SLC22A23: variants seen among roughly 807,000 people sequenced by gnomAD.
SLC22A23 encodes solute carrier family 22 member 23, also known as ion transporter protein.
In SLC22A23, 26 loss-of-function variants were observed where a neutral mutation model predicts 61.0. The ratio of observed to expected loss-of-function variants is 0.43; its 90% CI spans 0.31 to 0.59. SLC22A23 has a LOEUF of 0.59. Among genes scored for constraint, SLC22A23 ranks in the 20% least tolerant of loss-of-function variants. SLC22A23 has a pLI of 0.11. For synonymous variants in SLC22A23, 430 were observed against 413.9 expected, an observed-to-expected ratio of 1.04 and a Z score of -0.47; for missense variants, 796 against 934.7, an observed-to-expected ratio of 0.85 and a Z score of 1.94.
intron 3 of SLC22A23, among the ~76,000 whole-genome samples, chr6:3,405,435 G>A (rs1768750188): frequency 6.6e-6 from 1 of 152,096 alleles, no homozygotes. Flanking sequence ...ACCGGGTGGA[G>A]ACAAAGAGAC....
chr6:3,315,746 C>A (rs1762600328), intron 4 of SLC22A23, among the ~76,000 whole-genome samples: 1 of 152,036 alleles, frequency 6.6e-6, no homozygotes, highest in South Asian at 2.1e-4. Context: ...CACCTGTAGT[C>A]CCAGCTACTT....
At chr6:3,299,422 G>A (rs9501981) in intron 4 of SLC22A23, among the ~76,000 whole-genome samples, 6,351 of 152,228 alleles carry the variant, frequency 0.042, 207 homozygotes, top group African/African-American at 0.085. Context: ...CTATTTCCAC[G>A]TTACTGCTAA....
At chr6:3,289,100 C>T (rs991713965) in intron 6 of SLC22A23, among the ~76,000 whole-genome samples, 1 of 152,260 alleles carries the variant, frequency 6.6e-6, no homozygotes, top group African/African-American at 2.4e-5. Flanking sequence ...ACCTTGGTGA[C>T]CTCTGACCCT....
In SLC22A23 at chr6:3,330,628, C is replaced by T. The variant is rs1039293221; in HGVS notation, c.914-6626G>A. On this transcript the variant is annotated intron_variant, in intron 3 of 9. Transcript: ENST00000406686. This position sits in a 1 kb window ranked among gnomAD's most constrained non-coding sequence, Gnocchi z 4.7. ...TTTGGGACATGTGATTGTGGAATTC[C>T]TTATTATAGCAGAAGGGCCTGAAAT... Among the ~76,000 whole-genome samples, 8 of 152,194 alleles carry T rather than the reference C, an allele frequency of 5.3e-5. No individual in the cohort carries two copies. The highest frequency in any genetic ancestry group is 1.9e-4 in the African/African-American group (8 of 41,448).
At chr6:3,405,620 T>A in intron 3 of SLC22A23, among the ~76,000 whole-genome samples, 1 of 146,572 alleles carries the variant, frequency 6.8e-6, no homozygotes, top group African/African-American at 2.5e-5. Context: ...TCAGTCAAAT[T>A]TTTTTTTTTT....
At chr6:3,394,014 C>G (rs1050318018) in intron 3 of SLC22A23, among the ~76,000 whole-genome samples, 1 of 152,164 alleles carries the variant, frequency 6.6e-6, no homozygotes, top group Non-Finnish European at 1.5e-5. Flanking sequence ...AAAAGGAGAG[C>G]TTGGAAACAC....
intron 1 of SLC22A23, among the ~76,000 whole-genome samples, chr6:3,416,773 G>A (rs762511841): frequency 6.6e-6 from 1 of 152,236 alleles, no homozygotes; most frequent in East Asian, 1.9e-4. Context: ...CAAAGCTTCT[G>A]GTCTGGACGC....
intron 2 of SLC22A23, among the ~76,000 whole-genome samples, chr6:3,413,642 A>G (rs959138178): frequency 5.9e-5 from 9 of 152,250 alleles, no homozygotes; most frequent in African/African-American, 1.7e-4. Context: ...AAAGAAGTGT[A>G]CTACTTAAAT....
At chr6:3,289,028 C>G (rs1760315265) in intron 6 of SLC22A23, among the ~76,000 whole-genome samples, 1 of 152,274 alleles carries the variant, frequency 6.6e-6, no homozygotes, top group Non-Finnish European at 1.5e-5. Context: ...AGACCTTTCA[C>G]AAATGAGTGC....
At chr6:3,332,795 A>C (rs902896276) in intron 3 of SLC22A23, among the ~76,000 whole-genome samples, 1 of 152,180 alleles carries the variant, frequency 6.6e-6, no homozygotes, top group Non-Finnish European at 1.5e-5. Context: ...ATCAGGATCC[A>C]AACAAGATCC....
At chr6:3,294,244 A>G (rs945918225) in intron 5 of SLC22A23, among the ~76,000 whole-genome samples, 4 of 149,346 alleles carry the variant, frequency 2.7e-5, no homozygotes, top group Admixed American at 6.7e-5. Flanking sequence ...GTCACTGTCC[A>G]GTGACTTTTT....
chr6:3,389,145 G>T (rs985254159), intron 3 of SLC22A23, among the ~76,000 whole-genome samples: 1 of 151,702 alleles, frequency 6.6e-6, no homozygotes, highest in African/African-American at 2.4e-5. Flanking sequence ...GAGCATGCCT[G>T]AGATCCCAGC....
intron 9 of SLC22A23, among the ~76,000 whole-genome samples, chr6:3,282,871 G>A (rs1245918558): frequency 6.6e-6 from 1 of 152,132 alleles, no homozygotes; most frequent in African/African-American, 2.4e-5. Context: ...CATGAACCAC[G>A]ACCCAGGGGC....
chr6:3,283,091 GTGCTCGCTT>G (rs559867988), intron 9 of SLC22A23, among the ~76,000 whole-genome samples: 8 of 152,294 alleles, frequency 5.3e-5, no homozygotes, highest in African/African-American at 1.9e-4. Flanking sequence ...CTCACTCGCT[GTGCTCGCTT>G]TGGATTCATG....
chr6:3,366,751 C>T (rs1765864217), intron 3 of SLC22A23, among the ~76,000 whole-genome samples: 1 of 152,150 alleles, frequency 6.6e-6, no homozygotes, highest in Non-Finnish European at 1.5e-5. Flanking sequence ...AAGCACAGAG[C>T]TTAATAATTC....
intron 1 of SLC22A23, chr6:3,439,248 A>G (rs1398869097): frequency 2.4e-6 from 1 of 414,884 alleles, no homozygotes; most frequent in Non-Finnish European, 4.8e-6. Flanking sequence ...CAACAACGAC[A>G]AAAATGTCTC....
rs1761846610 is a variant in SLC22A23 at position 3,304,658 on chromosome 6, G to C, written c.1083-6440C>G. On this transcript the variant is annotated intron_variant, in intron 4 of 9. Transcript: ENST00000406686. The surrounding 1 kb of genome is among the most constrained non-coding windows in gnomAD (Gnocchi z 4.3). ...GTTGTAGTGGGGGCAGTCCCAGGCA[G>C]GTGGTCCAGGGGCTGGTCAGGGGAG... Among the ~76,000 whole-genome samples the C allele has an allele frequency of 6.6e-6, 1 of 152,198 alleles. No homozygotes were observed. The highest frequency in any genetic ancestry group is 2.1e-4 in the South Asian group (1 of 4,828).
chr6:3,452,011 C>T (rs7758776), intron 1 of SLC22A23, among the ~76,000 whole-genome samples: 61,779 of 151,972 alleles, frequency 0.41, 13,224 homozygotes, highest in South Asian at 0.63. Context: ...GTAAGTCACA[C>T]GAGATATTCA....
chr6:3,399,212 G>A (rs952815281), intron 3 of SLC22A23, among the ~76,000 whole-genome samples: 21 of 152,216 alleles, frequency 1.4e-4, no homozygotes, highest in African/African-American at 4.1e-4. Flanking sequence ...CAGAGGAAAC[G>A]CCTCTTCAGA....
Sources: allele counts gnomAD v4.1 joint callset (sites outside exome capture counted in the v4.1 genomes callset), GRCh38; gene constraint gnomAD v4.1.1; non-coding constraint Gnocchi (gnomAD v3.1); transcripts MANE v1.5; gene names NCBI Gene and HGNC (gene_info 2026-07-23, HGNC 2026-07-21).